PCMTD1: variants seen among roughly 807,000 people sequenced by gnomAD.
The protein encoded by PCMTD1 is protein-L-isoaspartate O-methyltransferase domain-containing protein 1.
A neutral mutation model predicts 37.6 loss-of-function variants in PCMTD1; 12 were observed. The ratio of observed to expected loss-of-function variants is 0.32; its 90% CI spans 0.20 to 0.52. The LOEUF (loss-of-function observed/expected upper bound fraction) is 0.52, where lower values mean the gene tolerates loss of function less well. PCMTD1 is among the 20% of genes least tolerant of loss of function. The probability of loss-of-function intolerance (pLI) is 0.97; values close to 1 mark genes in which losing one functional copy is unlikely to be tolerated. For synonymous variants in PCMTD1, 117 were observed against 135.8 expected, an observed-to-expected ratio of 0.86 and a Z score of 0.96; for missense variants, 235 against 421.3, an observed-to-expected ratio of 0.56 and a Z score of 3.87.
At chr8:51,899,163 C>G (rs1476162331), upstream of PCMTD1, 6 of 1,328,554 alleles carry the variant, frequency 4.5e-6, no homozygotes, top group Middle Eastern at 2.8e-4. Flanking sequence ...CCAAAGTCAA[C>G]AAGGCCGGGA....
chr8:51,848,614 C>A (rs1282236446), intron 2 of PCMTD1, among the ~76,000 whole-genome samples: 3 of 152,054 alleles, frequency 2.0e-5, no homozygotes, highest in African/African-American at 7.2e-5. Context: ...AGCAAAGTGT[C>A]AACTTTTGCA....
chr8:51,850,148 C>G, intron 2 of PCMTD1: 1 of 698,884 alleles, frequency 1.4e-6, no homozygotes, highest in South Asian at 1.5e-5. Context: ...ATCCCAATTC[C>G]TCCTAACTGT....
At chr8:51,826,888 T>A (rs911350785) in intron 5 of PCMTD1, 3 of 868,992 alleles carry the variant, frequency 3.5e-6, no homozygotes, top group Non-Finnish European at 4.1e-6. Flanking sequence ...GATTTTTAAA[T>A]GTAATAAAAT....
intron 3 of PCMTD1, among the ~76,000 whole-genome samples, chr8:51,836,936 A>G (rs902589624): frequency 4.6e-5 from 7 of 152,192 alleles, no homozygotes; most frequent in African/African-American, 1.7e-4. Context: ...TTACTGTAAT[A>G]ACTGGAGCTT....
At chr8:51,878,591 T>A (rs144886810) in intron 1 of PCMTD1, among the ~76,000 whole-genome samples, 2,590 of 151,630 alleles carry the variant, frequency 0.017, 29 homozygotes, top group Non-Finnish European at 0.024. Context: ...CTACAAAAAA[T>A]TTAAAAAATT....
chr8:51,893,153 A>G (rs1248006134), intron 1 of PCMTD1, among the ~76,000 whole-genome samples: 1 of 152,200 alleles, frequency 6.6e-6, no homozygotes, highest in Non-Finnish European at 1.5e-5. Context: ...GCATTTTAAC[A>G]TTCCAAAAAG....
chr8:51,857,397 G>A (rs2038407052), intron 2 of PCMTD1, among the ~76,000 whole-genome samples: 1 of 152,062 alleles, frequency 6.6e-6, no homozygotes, highest in African/African-American at 2.4e-5. Flanking sequence ...TTTATATTAT[G>A]GTTTATACAA....
At chr8:51,868,599 A>C (rs2038593554) in intron 1 of PCMTD1, among the ~76,000 whole-genome samples, 1 of 152,166 alleles carries the variant, frequency 6.6e-6, no homozygotes. Context: ...AAGTATAATA[A>C]AGCCATATGG....
At chr8:51,879,822 T>C (rs968688880) in intron 1 of PCMTD1, among the ~76,000 whole-genome samples, 6 of 152,038 alleles carry the variant, frequency 3.9e-5, no homozygotes, top group Non-Finnish European at 7.4e-5. Flanking sequence ...AATTGCAACA[T>C]GTGGCAAAGG....
intron 2 of PCMTD1, among the ~76,000 whole-genome samples, chr8:51,854,247 C>T (rs945415042): frequency 2.0e-5 from 3 of 151,852 alleles, no homozygotes; most frequent in Non-Finnish European, 4.4e-5. Context: ...TTACTATTAC[C>T]CTGTAATCAG....
intron 5 of PCMTD1, among the ~76,000 whole-genome samples, chr8:51,822,337 A>G (rs988448287): frequency 2.7e-5 from 4 of 149,410 alleles, no homozygotes; most frequent in Non-Finnish European, 6.0e-5. Flanking sequence ...TAGGATGGAA[A>G]TGGATTGGCT....
rs140583668 is a variant in PCMTD1, at chr8:51,862,844, G to C, written c.-95-1598C>G. Among the ~76,000 whole-genome samples the C allele has an allele frequency of 7.4e-4, 112 of 152,228 alleles. No individual in the cohort carries two copies. In the East Asian group the frequency reaches 0.015, roughly 20 times the overall value. On this transcript the variant is annotated intron_variant, in intron 1 of 5. Transcript: ENST00000522514. The stretch of plus-strand genomic sequence containing the variant: ...ATTCATTCAAACTCACTTATAAAAA[G>C]TTGCCTGGCTCTAGCACCTTCAGTC...
chr8:51,834,392 G>A (rs949369393), intron 3 of PCMTD1, among the ~76,000 whole-genome samples: 3 of 152,086 alleles, frequency 2.0e-5, no homozygotes, highest in African/African-American at 4.8e-5. Flanking sequence ...AATAGTGTTG[G>A]TTCATGGTAC....
intron 2 of PCMTD1, among the ~76,000 whole-genome samples, chr8:51,852,679 A>G (rs1222886974): frequency 2.0e-5 from 3 of 152,220 alleles, no homozygotes; most frequent in Non-Finnish European, 4.4e-5. Flanking sequence ...GAGAAGGAAA[A>G]TATTTCAAAG....
At chr8:51,887,730 A>C (rs2038884282) in intron 1 of PCMTD1, among the ~76,000 whole-genome samples, 1 of 144,934 alleles carries the variant, frequency 6.9e-6, no homozygotes, top group Non-Finnish European at 1.5e-5. Flanking sequence ...TTTCACAAAA[A>C]AGTTTTCATA....
At position 51,819,492 on chromosome 8, in the gene PCMTD1, T is replaced by A. The variant is rs1275737512; in HGVS notation, c.*859A>T. 3 of 152,276 alleles carry A rather than the reference T, an allele frequency of 2.0e-5. No homozygotes were observed. Among genetic ancestry groups the A allele is most frequent in the Non-Finnish European group, 4.4e-5 (3 of 68,020 alleles). The allele number at this position is 152,276 out of a possible 1,614,324, so 9.4% of individuals were successfully genotyped here. ...CACTCGTTCTGTGTCCTATCAAGAG[T>A]CACACATAACAATGGTTTTGCTTTT... On this transcript the variant is annotated 3_prime_UTR_variant, in exon 6 of 6. Transcript: ENST00000522514.
chr8:51,822,024 C>T (rs561452672), intron 5 of PCMTD1, among the ~76,000 whole-genome samples: 72 of 152,262 alleles, frequency 4.7e-4, no homozygotes, highest in African/African-American at 1.6e-3. Context: ...CGTGAGCCAC[C>T]GTGCCTGGCC....
chr8:51,886,854 G>A (rs1238643926), intron 1 of PCMTD1, among the ~76,000 whole-genome samples: 5 of 152,150 alleles, frequency 3.3e-5, no homozygotes, highest in African/African-American at 1.2e-4. Flanking sequence ...CAGGCTTCAT[G>A]ATACAAGTCT....
chr8:51,884,190 A>G (rs1278497048), intron 1 of PCMTD1, among the ~76,000 whole-genome samples: 1 of 152,202 alleles, frequency 6.6e-6, no homozygotes, highest in Non-Finnish European at 1.5e-5. Context: ...ATATTATTAA[A>G]ATAAACCAGG....
Sources: allele counts gnomAD v4.1 joint callset (sites outside exome capture counted in the v4.1 genomes callset), GRCh38; gene constraint gnomAD v4.1.1; transcripts MANE v1.5; gene names NCBI Gene and HGNC (gene_info 2026-07-23, HGNC 2026-07-21).